PRPSAP1: variants seen among roughly 807,000 people sequenced by gnomAD.
PRPSAP1 encodes the protein phosphoribosyl pyrophosphate synthetase associated protein 1.
PRPSAP1 carries 31 observed loss-of-function variants against 39.4 expected under a neutral mutation model. The observed-to-expected ratio is 0.79, with a 90% CI of 0.59 to 1.06. The LOEUF (loss-of-function observed/expected upper bound fraction) is 1.06. PRPSAP1 is among the 50% of genes least tolerant of loss of function. The pLI is 0.00. For synonymous variants in PRPSAP1, 212 were observed against 192.6 expected, an observed-to-expected ratio of 1.10 and a Z score of -0.83; for missense variants, 430 against 511.6, an observed-to-expected ratio of 0.84 and a Z score of 1.54.
chr17:76,320,404 T>C (rs545285028), intron 7 of PRPSAP1, among the ~76,000 whole-genome samples: 2 of 149,684 alleles, frequency 1.3e-5, no homozygotes, highest in Non-Finnish European at 3.0e-5. Context: ...CTTTGCTTTA[T>C]GTTGCTTTGC....
intron 7 of PRPSAP1, among the ~76,000 whole-genome samples, chr17:76,315,729 T>TTTC (rs1218570429): frequency 3.4e-5 from 4 of 119,186 alleles, no homozygotes; most frequent in African/African-American, 1.3e-4. Flanking sequence ...TTTTTTTTTT[T>TTTC]CTTGAGACAG....
chr17:76,319,526 TG>T (rs1271128021), intron 7 of PRPSAP1: 1 of 152,224 alleles, frequency 6.6e-6, no homozygotes, highest in East Asian at 1.9e-4. Flanking sequence ...TGGAATGCAG[TG>T]GCACCATCTT....
At chr17:76,348,655 G>A (rs377163623) in intron 1 of PRPSAP1, 74 bp from the exon 2 acceptor site, 1 of 1,115,430 alleles carries the variant, frequency 9.0e-7, no homozygotes. Flanking sequence ...ATATGCATAT[G>A]TCTAATAAAA....
At chr17:76,353,293 G>A (rs1788864268) in intron 1 of PRPSAP1, 3 of 486,518 alleles carry the variant, frequency 6.2e-6, no homozygotes, top group Middle Eastern at 5.2e-4. Context: ...CAGGCAGGCC[G>A]CGGACCCAGT....
chr17:76,354,090 C>T (rs1053255639), upstream of PRPSAP1: 1 of 1,034,726 alleles, frequency 9.7e-7, no homozygotes, highest in African/African-American at 1.7e-5. Flanking sequence ...CTCTTTCGGT[C>T]TCACTTTCTT....
intron 3 of PRPSAP1, among the ~76,000 whole-genome samples, chr17:76,342,230 A>G (rs2071447384): frequency 6.6e-6 from 1 of 152,120 alleles, no homozygotes; most frequent in Non-Finnish European, 1.5e-5. Flanking sequence ...CTGACACACA[A>G]GAGACTGAAT....
intron 7 of PRPSAP1, among the ~76,000 whole-genome samples, chr17:76,320,362 G>T (rs117953283): frequency 0.034 from 4,465 of 131,082 alleles, 158 homozygotes; most frequent in Middle Eastern, 0.054. Flanking sequence ...GAAGAAAAAG[G>T]AAGAAAGGCA....
At chr17:76,328,409 G>C (rs1415350789) in intron 7 of PRPSAP1, among the ~76,000 whole-genome samples, 3 of 152,048 alleles carry the variant, frequency 2.0e-5, no homozygotes, top group African/African-American at 7.2e-5. Context: ...TGGAGTTTGA[G>C]ACCAGCCTGG....
At chr17:76,343,634 A>G (rs1306675325) in intron 3 of PRPSAP1, among the ~76,000 whole-genome samples, 1 of 152,182 alleles carries the variant, frequency 6.6e-6, no homozygotes, top group African/African-American at 2.4e-5. Flanking sequence ...CAGGAGTTCA[A>G]GACCAGCCTG....
At chr17:76,331,049 A>G (rs929566505) in intron 4 of PRPSAP1, among the ~76,000 whole-genome samples, 3 of 152,238 alleles carry the variant, frequency 2.0e-5, no homozygotes, top group African/African-American at 7.2e-5. Context: ...GCGAAGGCAA[A>G]AAGTAGCAAG....
chr17:76,324,805 TA>T (rs2071234423), intron 7 of PRPSAP1, among the ~76,000 whole-genome samples: 1 of 151,576 alleles, frequency 6.6e-6, no homozygotes, highest in African/African-American at 2.4e-5. Flanking sequence ...CTCACTCCTG[TA>T]ATCCCAGCAC....
chr17:76,312,747 G>A, intron 9 of PRPSAP1, 123 bp downstream of exon 9: 5 of 1,303,390 alleles, frequency 3.8e-6, no homozygotes, highest in Middle Eastern at 2.0e-4. Context: ...CCAACGAACT[G>A]CTAGCCAGCA....
Position 76,309,990 on chromosome 17 carries a change from C to CTTTTTTT in PRPSAP1, c.*1545_*1551dup, listed in dbSNP as rs202223634. On this transcript the variant is annotated 3_prime_UTR_variant, in exon 10 of 10. Coordinates refer to ENST00000446526, the MANE Select transcript of PRPSAP1 (RefSeq NM_002766.3). ...ATCAAAATAACTAGTTCTTTGCAGT[C>CTTTTTTT]TTTTTTTTTTTTTGAGATGGAATCT... 6.9e-6 allele frequency: 1 copy of CTTTTTTT among 144,772 alleles called. No individual in the cohort carries two copies. The highest frequency in any genetic ancestry group is 2.5e-5 in the African/African-American group (1 of 39,414). The allele number at this position is 144,772 out of a possible 1,614,324, so 9.0% of individuals were successfully genotyped here.
intron 2 of PRPSAP1, among the ~76,000 whole-genome samples, chr17:76,345,230 G>A (rs1266998299): frequency 1.5e-3 from 36 of 24,778 alleles, no homozygotes; most frequent in Admixed American, 3.0e-3. Flanking sequence ...GCAAGATTCC[G>A]TCTCATTAAA....
intron 2 of PRPSAP1, among the ~76,000 whole-genome samples, chr17:76,346,577 A>T (rs1451446203): frequency 6.6e-6 from 1 of 152,206 alleles, no homozygotes; most frequent in African/African-American, 2.4e-5. Flanking sequence ...GCCCCTCAAA[A>T]GAGCAGTAGT....
At chr17:76,335,864 C>G (rs962605951) in intron 3 of PRPSAP1, among the ~76,000 whole-genome samples, 1 of 152,078 alleles carries the variant, frequency 6.6e-6, no homozygotes. Flanking sequence ...CACGGTGGTG[C>G]TCACCTGTAG....
At chr17:76,313,055 C>A (rs1216572952) in intron 8 of PRPSAP1, 39 bp from the exon 9 acceptor site, 2 of 1,602,062 alleles carry the variant, frequency 1.2e-6, no homozygotes, top group South Asian at 2.2e-5. Flanking sequence ...GAAAGAAACA[C>A]CCTCTAGCCC....
At chr17:76,345,507 T>A (rs1289478508) in intron 2 of PRPSAP1, among the ~76,000 whole-genome samples, 1 of 150,270 alleles carries the variant, frequency 6.7e-6, no homozygotes, top group Non-Finnish European at 1.5e-5. Flanking sequence ...GTGCCTGTAG[T>A]CCCAGTGGGA....
At chr17:76,349,552 G>A (rs976482405) in intron 1 of PRPSAP1, among the ~76,000 whole-genome samples, 2 of 152,144 alleles carry the variant, frequency 1.3e-5, no homozygotes, top group East Asian at 1.9e-4. Flanking sequence ...CCTGAGGTCA[G>A]GAGTTCGAGA....
Sources: allele counts gnomAD v4.1 joint callset (sites outside exome capture counted in the v4.1 genomes callset), GRCh38; gene constraint gnomAD v4.1.1; transcripts MANE v1.5; gene names NCBI Gene and HGNC (gene_info 2026-07-23, HGNC 2026-07-21).